DSCAM: variants seen among roughly 807,000 people sequenced by gnomAD.
DSCAM encodes the protein DS cell adhesion molecule.
A neutral mutation model predicts 217.7 loss-of-function variants in DSCAM; 47 were observed. The observed-to-expected ratio is 0.22, with a 90% confidence interval of 0.17 to 0.28. DSCAM has a LOEUF of 0.28. Among genes scored for constraint, DSCAM ranks in the 10% least tolerant of loss-of-function variants. The pLI is 1.00. For missense variants in DSCAM, 2,080 were observed against 2,618.3 expected, an observed-to-expected ratio of 0.79 and a Z score of 4.49; for synonymous variants, 1,056 against 1,015.3, an observed-to-expected ratio of 1.04 and a Z score of -0.76.
intron 1 of DSCAM, among the ~76,000 whole-genome samples, chr21:40,720,870 T>C (rs2090893801): frequency 6.6e-6 from 1 of 152,094 alleles, no homozygotes; most frequent in South Asian, 2.1e-4. Context: ...AGAAGGAAGT[T>C]ATATAGAGAG....
chr21:40,362,701 A>G (rs2074780847), intron 4 of DSCAM, among the ~76,000 whole-genome samples: 1 of 152,200 alleles, frequency 6.6e-6, no homozygotes, highest in African/African-American at 2.4e-5. Flanking sequence ...CAATACATTT[A>G]GTGGTTGTTG....
chr21:40,658,482 C>T (rs2090100381), intron 3 of DSCAM, among the ~76,000 whole-genome samples: 2 of 152,304 alleles, frequency 1.3e-5, no homozygotes, highest in South Asian at 2.1e-4. Context: ...TCTAATAGGT[C>T]ACAGTGAGCT....
chr21:40,177,107 G>T (rs2090742368), intron 15 of DSCAM, among the ~76,000 whole-genome samples: 1 of 152,230 alleles, frequency 6.6e-6, no homozygotes, highest in Non-Finnish European at 1.5e-5. Flanking sequence ...TTGGGCTGAA[G>T]GATGGGGACA....
At chr21:40,644,765 TCATTCCTTGTTG>T (rs1347336780) in intron 3 of DSCAM, among the ~76,000 whole-genome samples, 1 of 152,226 alleles carries the variant, frequency 6.6e-6, no homozygotes, top group Non-Finnish European at 1.5e-5. Flanking sequence ...GTTCATTGCT[TCATTCCTTGTTG>T]CATTTTTTGT....
intron 3 of DSCAM, among the ~76,000 whole-genome samples, chr21:40,521,954 C>A (rs550196172): frequency 6.6e-6 from 1 of 152,154 alleles, no homozygotes; most frequent in African/African-American, 2.4e-5. Context: ...CAAAACATTA[C>A]GTTGTGCCCC....
intron 1 of DSCAM, among the ~76,000 whole-genome samples, chr21:40,787,901 T>G (rs2091608018): frequency 6.6e-6 from 1 of 152,104 alleles, no homozygotes. Context: ...AAATAATCAT[T>G]AATAGCAAAC....
chr21:40,841,666 G>C (rs62225180), intron 1 of DSCAM, among the ~76,000 whole-genome samples: 1 of 152,132 alleles, frequency 6.6e-6, no homozygotes, highest in Non-Finnish European at 1.5e-5. Context: ...CCATCAGCAG[G>C]AGAAGCGGCG....
At chr21:40,219,473 C>T (rs1006527048) in intron 11 of DSCAM, among the ~76,000 whole-genome samples, 4 of 152,156 alleles carry the variant, frequency 2.6e-5, no homozygotes, top group African/African-American at 9.7e-5. Flanking sequence ...TTCACAGAAG[C>T]AGTCACTTCA....
At chr21:40,246,382 A>T (rs2073225158) in intron 11 of DSCAM, among the ~76,000 whole-genome samples, 2 of 148,074 alleles carry the variant, frequency 1.4e-5, no homozygotes, top group Admixed American at 6.7e-5. Context: ...AAAAAAAAAA[A>T]AAAAAAAAAT....
intron 11 of DSCAM, among the ~76,000 whole-genome samples, chr21:40,266,794 A>ATATATG (rs1224941326): frequency 7.4e-6 from 1 of 135,732 alleles, no homozygotes; most frequent in Non-Finnish European, 1.5e-5. Flanking sequence ...ATATATATAT[A>ATATATG]TATATACACA....
intron 3 of DSCAM, among the ~76,000 whole-genome samples, chr21:40,434,321 C>A (rs559002506): frequency 1.3e-5 from 2 of 152,168 alleles, no homozygotes; most frequent in African/African-American, 4.8e-5. Context: ...AACACGGAGA[C>A]GCCAACAACG....
At chr21:40,264,594 C>T (rs2073497598) in intron 11 of DSCAM, among the ~76,000 whole-genome samples, 1 of 152,050 alleles carries the variant, frequency 6.6e-6, no homozygotes, top group African/African-American at 2.4e-5. Context: ...ACCCAGAGCC[C>T]ACATCATACT....
intron 3 of DSCAM, among the ~76,000 whole-genome samples, chr21:40,378,476 C>A (rs533867187): frequency 6.6e-6 from 1 of 150,486 alleles, no homozygotes; most frequent in Non-Finnish European, 1.5e-5. Context: ...CAAAGATTAT[C>A]CTATGGAAAA....
intron 3 of DSCAM, among the ~76,000 whole-genome samples, chr21:40,641,863 C>G (rs899269484): frequency 6.6e-6 from 1 of 152,062 alleles, no homozygotes; most frequent in Non-Finnish European, 1.5e-5. Context: ...CCCTGGCCAA[C>G]ATGGTGAAAC....
chr21:40,405,001 T>C (rs918432978), intron 3 of DSCAM, among the ~76,000 whole-genome samples: 45 of 152,168 alleles, frequency 3.0e-4, no homozygotes, highest in Admixed American at 2.4e-3. Context: ...GTACAAAATA[T>C]GTATTATTCA....
chr21:40,179,111 T>G lies in DSCAM; in HGVS notation c.2780-17A>C. The G allele has an allele frequency of 6.3e-7, 1 of 1,587,828 alleles. No homozygotes were observed. The highest frequency in any genetic ancestry group is 8.6e-7 in the Non-Finnish European group (1 of 1,167,946). On this transcript the variant is annotated splice_polypyrimidine_tract_variant and intron_variant, in intron 14 of 32. Transcript: ENST00000400454. ...CCCAGGAGTCTTTTGGGTTTTGTTT[T>G]TCAAAAAAGAAGAGATAGAGACGTG...
chr21:40,091,997 A>C (rs1158787702), intron 21 of DSCAM, among the ~76,000 whole-genome samples: 5 of 152,190 alleles, frequency 3.3e-5, no homozygotes, highest in Non-Finnish European at 7.4e-5. Context: ...GCTCCCCACC[A>C]AACTGTAAGC....
chr21:40,205,527 C>T (rs368300650), intron 11 of DSCAM, among the ~76,000 whole-genome samples: 10 of 150,584 alleles, frequency 6.6e-5, no homozygotes, highest in South Asian at 6.3e-4. Context: ...CGCTTAAACC[C>T]GGGAGATGGA....
intron 11 of DSCAM, among the ~76,000 whole-genome samples, chr21:40,257,018 G>A (rs776157245): frequency 2.6e-5 from 4 of 152,110 alleles, no homozygotes; most frequent in South Asian, 2.1e-4. Flanking sequence ...TTAATGTCCC[G>A]TAACTTTACT....
Sources: allele counts gnomAD v4.1 joint callset (sites outside exome capture counted in the v4.1 genomes callset), GRCh38; gene constraint gnomAD v4.1.1; transcripts MANE v1.5; gene names NCBI Gene and HGNC (gene_info 2026-07-23, HGNC 2026-07-21).